The following NSMCE2 variants were observed in gnomAD, a reference collection of about 807,000 sequenced individuals.
The protein encoded by NSMCE2 is NSE2 SUMO ligase component of SMC5/6 complex.
Under a neutral mutation model 23.8 loss-of-function variants are expected in NSMCE2, and 24 were observed. The observed-to-expected ratio is 1.01, with a 90% confidence interval of 0.73 to 1.42. The LOEUF is 1.42. Ranked by LOEUF, NSMCE2 falls within the 40% of genes most tolerant of loss-of-function variation. NSMCE2 has a pLI of 0.00. For synonymous variants in NSMCE2, 92 were observed against 94.1 expected (o/e 0.98, Z 0.13); for missense variants, 284 against 296.5 (o/e 0.96, Z 0.31).
At position 125,243,699 on chromosome 8, in the gene NSMCE2, TGA is replaced by T. The variant is rs533809897; in HGVS notation, c.418+61447_418+61448del. On this transcript the variant is annotated intron_variant, in intron 5 of 7. Transcript: ENST00000287437. ...AAAGAACTATAAGCATCCAGATGTG[TGA>T]GAGTCAGGTAAGGTGGAGTGAGGGA... Among the ~76,000 whole-genome samples, 9 of 152,264 alleles carry T rather than the reference TGA, an allele frequency of 5.9e-5. No homozygotes were observed. In the South Asian group the frequency reaches 1.7e-3, roughly 28 times the overall value.
At chr8:125,131,404 G>A (rs886833448) in intron 3 of NSMCE2, among the ~76,000 whole-genome samples, 2 of 152,162 alleles carry the variant, frequency 1.3e-5, no homozygotes, top group Non-Finnish European at 2.9e-5. Context: ...GCTTTCCGAA[G>A]TCAGAATTCA....
At chr8:125,264,786 C>T (rs1826845721) in intron 5 of NSMCE2, among the ~76,000 whole-genome samples, 1 of 152,160 alleles carries the variant, frequency 6.6e-6, no homozygotes. Flanking sequence ...TACCATCTTG[C>T]AGCCTCATTA....
rs143095270 is a variant in NSMCE2 at position 125,143,144 on chromosome 8, G to A, written c.158-8027G>A. On this transcript the variant is annotated intron_variant, in intron 3 of 7. Coordinates refer to ENST00000287437, the MANE Select transcript of NSMCE2 (RefSeq NM_173685.4). ...CACAGAGGTAGGTGCATGTATAGAT[G>A]TGTGTTGCTAGAGATAGTTGGAGCT... 6.6e-3 allele frequency among the ~76,000 whole-genome samples: 1,004 copies of A among 152,164 alleles called. 8 individuals carry two copies. Among genetic ancestry groups the A allele is most frequent in the African/African-American group, 0.023 (971 of 41,508 alleles).
intron 4 of NSMCE2, among the ~76,000 whole-genome samples, chr8:125,170,777 C>A (rs1822161707): frequency 6.6e-6 from 1 of 152,130 alleles, no homozygotes; most frequent in South Asian, 2.1e-4. Context: ...CCTACTGTCA[C>A]CCTAATCCAT....
At position 125,102,345 on chromosome 8, in the gene NSMCE2, C is replaced by T. The variant is rs774703908; in HGVS notation, c.15C>T (p.Ser5=). 5 of 1,613,584 alleles carry T rather than the reference C, an allele frequency of 3.1e-6. No individual in the cohort carries two copies. In the South Asian group the frequency reaches 5.5e-5, roughly 18 times the overall value. Reference sequence around the variant, plus strand: ...CTAATTTCAAGATGCCAGGACGTTCCAGTTCAAATTCAGGTTCAACTGGTT... The same window carrying T: ...CTAATTTCAAGATGCCAGGACGTTCTAGTTCAAATTCAGGTTCAACTGGTT... The part of the protein sequence containing the change: MPGR[S]SSNSGSTGFI... Residue 5 remains serine, a synonymous_variant, in exon 3 of 8, where the codon TCC becomes TCT. Transcript: ENST00000287437.
chr8:125,244,608 C>A (rs1440848451), intron 5 of NSMCE2, among the ~76,000 whole-genome samples: 2 of 152,108 alleles, frequency 1.3e-5, no homozygotes, highest in East Asian at 3.8e-4. Flanking sequence ...AGGTTGAAAA[C>A]ACATACCAGA....
At chr8:125,231,950 A>C (rs1490621451) in intron 5 of NSMCE2, among the ~76,000 whole-genome samples, 1 of 152,208 alleles carries the variant, frequency 6.6e-6, no homozygotes, top group Non-Finnish European at 1.5e-5. Flanking sequence ...TAAATAAATT[A>C]ATTAATGAAA....
chr8:125,108,279 T>G (rs1262842486), intron 3 of NSMCE2, among the ~76,000 whole-genome samples: 1 of 152,126 alleles, frequency 6.6e-6, no homozygotes, highest in Non-Finnish European at 1.5e-5. Context: ...AAGAACTTGT[T>G]AGGGGAGCAG....
chr8:125,232,885 AGTTATTCTCTGACAGGAACTAGCAG>A (rs1289959780), intron 5 of NSMCE2, among the ~76,000 whole-genome samples: 1 of 152,234 alleles, frequency 6.6e-6, no homozygotes, highest in East Asian at 1.9e-4. Context: ...TATGTGAATG[AGTTATTCTCTGACAGGAACTAGCAG>A]GTAAACAGGA....
At chr8:125,127,100 C>G (rs1209841123) in intron 3 of NSMCE2, 1 of 152,210 alleles carries the variant, frequency 6.6e-6, no homozygotes, top group Non-Finnish European at 1.5e-5. Flanking sequence ...ACTTCTTTAG[C>G]ATTCTTTTCC....
chr8:125,288,743 G>A (rs1827992496), intron 5 of NSMCE2, among the ~76,000 whole-genome samples: 1 of 152,038 alleles, frequency 6.6e-6, no homozygotes. Context: ...TCCCCACTAG[G>A]CTAGGAGTTT....
chr8:125,213,227 A>G (rs965091420), intron 5 of NSMCE2, among the ~76,000 whole-genome samples: 4 of 152,172 alleles, frequency 2.6e-5, no homozygotes, highest in Non-Finnish European at 5.9e-5. Flanking sequence ...GGACACTGAA[A>G]GCAAAATGAA....
intron 5 of NSMCE2, among the ~76,000 whole-genome samples, chr8:125,338,202 CT>C (rs1261761991): frequency 2.6e-5 from 4 of 151,618 alleles, no homozygotes. Context: ...TTCTGGTGCC[CT>C]TTCCACCAAA....
At chr8:125,246,614 A>G (rs746839549) in intron 5 of NSMCE2, among the ~76,000 whole-genome samples, 1 of 152,206 alleles carries the variant, frequency 6.6e-6, no homozygotes. Context: ...TTTATCACTC[A>G]ATACTGTCAA....
chr8:125,345,193 T>C (rs1214058884), intron 5 of NSMCE2, among the ~76,000 whole-genome samples: 2 of 150,592 alleles, frequency 1.3e-5, no homozygotes, highest in Non-Finnish European at 2.9e-5. Context: ...TCTAAATACG[T>C]ATGTGGAGTA....
At chr8:125,344,413 T>C (rs1830360697) in intron 5 of NSMCE2, among the ~76,000 whole-genome samples, 3 of 152,308 alleles carry the variant, frequency 2.0e-5, no homozygotes, top group African/African-American at 7.2e-5. Flanking sequence ...CATTTCATCA[T>C]CTATTCCTTC....
At chr8:125,235,178 T>C (rs1348557225) in intron 5 of NSMCE2, among the ~76,000 whole-genome samples, 1 of 151,786 alleles carries the variant, frequency 6.6e-6, no homozygotes, top group East Asian at 1.9e-4. Context: ...GAGGCAGAGG[T>C]TGCAGTGAGC....
chr8:125,165,586 T>C (rs1371456996), intron 4 of NSMCE2, among the ~76,000 whole-genome samples: 1 of 152,234 alleles, frequency 6.6e-6, no homozygotes, highest in Non-Finnish European at 1.5e-5. Context: ...TTGGCCACAC[T>C]GTAGTCTCAG....
rs564272878 is a variant in NSMCE2, at chr8:125,115,472, C to T, written c.157+12985C>T. ...GATGTTTCTATTAAATCTTTCAGGC[C>T]GGGCTCAGTGGCTCACGCCTGTAAT... On this transcript the variant is annotated intron_variant, in intron 3 of 7. Coordinates refer to ENST00000287437, the MANE Select transcript of NSMCE2 (RefSeq NM_173685.4). Among the ~76,000 whole-genome samples the T allele has an allele frequency of 2.6e-4, 40 of 152,290 alleles. No homozygotes were observed. The South Asian group carries it at 4.8e-3, about 18-fold the overall frequency.
Sources: allele counts gnomAD v4.1 joint callset (sites outside exome capture counted in the v4.1 genomes callset), GRCh38; gene constraint gnomAD v4.1.1; transcripts MANE v1.5; gene names NCBI Gene and HGNC (gene_info 2026-07-23, HGNC 2026-07-21).